The following ACAA1 variants were observed in gnomAD, a reference collection of about 807,000 sequenced individuals.
ACAA1 encodes the protein 3-ketoacyl-CoA thiolase, peroxisomal.
In ACAA1, 44 loss-of-function variants were observed where a neutral mutation model predicts 48.8. The observed-to-expected ratio is 0.90, with a 90% CI of 0.71 to 1.16. The LOEUF (loss-of-function observed/expected upper bound fraction) is 1.16, where lower values mean the gene tolerates loss of function less well. Ranked by LOEUF, ACAA1 falls within the 50% of genes most tolerant of loss-of-function variation. The probability of loss-of-function intolerance (pLI) is 0.00; values close to 1 mark genes in which losing one functional copy is unlikely to be tolerated. For synonymous variants in ACAA1, 233 were observed against 226.5 expected (o/e 1.03, Z -0.26); for missense variants, 512 against 562.3 (o/e 0.91, Z 0.90).
At chr3:38,135,640 T>C (rs887583560) in intron 2 of ACAA1, among the ~76,000 whole-genome samples, 2 of 152,138 alleles carry the variant, frequency 1.3e-5, no homozygotes, top group African/African-American at 2.4e-5. Context: ...CGCCAGCATG[T>C]CTCACCTGCA....
rs1410057627 is a variant in ACAA1, at chr3:38,136,617, C to T, written c.240G>A (p.Pro80=). The T allele has an allele frequency of 1.9e-6, 3 of 1,614,044 alleles. No homozygotes were observed. The highest frequency in any genetic ancestry group is 2.2e-5 in the East Asian group (1 of 44,864). Residue 80 remains proline (P), a synonymous_variant, in exon 2 of 12, where the codon CCG becomes CCA. Coordinates refer to ENST00000333167, the MANE Select transcript of ACAA1 (RefSeq NM_001607.4). The part of the protein sequence containing the change: ...TAVLKDVNLR[P]EQLGDICVGN... ...CGACACAGATGTCCCCCAGCTGTTC[C>T]GGCCTCAGATTCACGTCCTTGAGAA...
chr3:38,136,313 A>C lies in ACAA1; in HGVS notation c.265+279T>G, dbSNP rs1318612420. On this transcript the variant is annotated intron_variant, in intron 2 of 11. Coordinates refer to ENST00000333167, the MANE Select transcript of ACAA1 (RefSeq NM_001607.4). ...CCACACTGCCGCACTCCCCTTGCCG[A>C]GATAGTGAAAATAGTAATCAATAAA... 2.0e-5 allele frequency among the ~76,000 whole-genome samples: 3 copies of C among 152,124 alleles called. No homozygotes were observed. In the East Asian group the frequency reaches 5.8e-4, roughly 29 times the overall value.
rs2125767268 is a variant in ACAA1, at chr3:38,129,160, G to A, written c.545+130C>T. Reference sequence around the variant, plus strand: ...ATCAAGTCTCATCCCCAAAGTCCCTGCGGAGCAGACCATGCCCAAAGGAAG... The same window carrying A: ...ATCAAGTCTCATCCCCAAAGTCCCTACGGAGCAGACCATGCCCAAAGGAAG... On this transcript the variant is annotated intron_variant, in intron 6 of 11. Coordinates refer to ENST00000333167, the MANE Select transcript of ACAA1 (RefSeq NM_001607.4). The surrounding 1 kb of genome is among the most constrained non-coding windows in gnomAD (Gnocchi z 5.3). 2.6e-6 allele frequency: 2 copies of A among 757,252 alleles called. No individual in the cohort carries two copies. Among genetic ancestry groups the A allele is most frequent in the South Asian group, 1.7e-5 (1 of 57,208 alleles). 46.9% of individuals were successfully genotyped at this position (757,252 alleles called of 1,614,324 possible).
Position 38,126,044 on chromosome 3 carries a change from C to T in ACAA1, c.997+118G>A. The T allele has an allele frequency of 1.4e-6, 2 of 1,437,110 alleles. No homozygotes were observed. Among genetic ancestry groups the T allele is most frequent in the South Asian group, 1.3e-5 (1 of 79,132 alleles). The allele number at this position is 1,437,110 out of a possible 1,614,324, so 89.0% of individuals were successfully genotyped here. A position where few individuals can be genotyped will look rare whatever the true frequency, so the allele number is the denominator to read the frequency against. ...AGGGCTTGAAGTATGGGACACTAGC[C>T]TGCCCCACCTCCACTCTGCAGCACC... On this transcript the variant is annotated intron_variant, in intron 9 of 11. Coordinates refer to ENST00000333167, the MANE Select transcript of ACAA1 (RefSeq NM_001607.4). This position sits in a 1 kb window ranked among gnomAD's most constrained non-coding sequence, Gnocchi z 4.7.
chr3:38,122,838 A>AG lies in ACAA1; in HGVS notation c.*208dup. 1.2e-6 allele frequency: 1 copy of AG among 810,188 alleles called. No homozygotes were observed. The highest frequency in any genetic ancestry group is 2.7e-5 in the East Asian group (1 of 36,714). The allele number at this position is 810,188 out of a possible 1,614,324, so 50.2% of individuals were successfully genotyped here. On this transcript the variant is annotated 3_prime_UTR_variant, in exon 12 of 12. Coordinates refer to ENST00000333167, the MANE Select transcript of ACAA1 (RefSeq NM_001607.4). ...CTGCTTTTATCTTGCACAGCTAAAG[A>AG]GGGTCTGATGGGTGGCTCAACACCC...
chr3:38,136,520 G>GGAGGT (rs1700896411), intron 2 of ACAA1, 72 bp downstream of exon 2: 2 of 1,551,158 alleles, frequency 1.3e-6, no homozygotes, highest in South Asian at 2.2e-5. Flanking sequence ...TTCGGGGCGG[G>GGAGGT]GAGGTGAGGA....
At chr3:38,125,993 A>G (rs1700673559) in intron 9 of ACAA1, 112 bp from the exon 10 acceptor site, 1 of 1,529,040 alleles carries the variant, frequency 6.5e-7, no homozygotes. Flanking sequence ...CAGAAGGGTG[A>G]GCCAATCCCA....
chr3:38,125,942 C>T, intron 9 of ACAA1, 61 bp from the exon 10 acceptor site: 1 of 1,601,246 alleles, frequency 6.2e-7, no homozygotes, highest in South Asian at 1.1e-5. Context: ...TGGGGCCCAC[C>T]CCATCCATGG....
chr3:38,130,195 T>G (rs1700759045), intron 5 of ACAA1, among the ~76,000 whole-genome samples: 1 of 152,260 alleles, frequency 6.6e-6, no homozygotes, highest in Admixed American at 6.5e-5. Flanking sequence ...TGGGGGACCC[T>G]AACACCTCAA....
rs753612502 is a variant in ACAA1, at chr3:38,126,447, G to A, written c.817+63C>T. The A allele has an allele frequency of 9.9e-6, 16 of 1,611,684 alleles. No individual in the cohort carries two copies. The highest frequency in any genetic ancestry group is 2.7e-5 in the African/African-American group (2 of 74,848). ...GGGCCTGGTCTATTCCAGGTTCCCAGAGTACAGCACCCAGCATGGCCATGG... is the reference window on the plus strand; with the variant it reads ...GGGCCTGGTCTATTCCAGGTTCCCAAAGTACAGCACCCAGCATGGCCATGG... On this transcript the variant is annotated intron_variant, in intron 8 of 11. Coordinates refer to ENST00000333167, the MANE Select transcript of ACAA1 (RefSeq NM_001607.4). This position sits in a 1 kb window ranked among gnomAD's most constrained non-coding sequence, Gnocchi z 4.7.
intron 4 of ACAA1, 64 bp downstream of exon 4, chr3:38,131,862 C>T (rs925388903): frequency 4.0e-6 from 6 of 1,484,316 alleles, no homozygotes; most frequent in Non-Finnish European, 5.6e-6. Flanking sequence ...GCCCGGCAGA[C>T]AGCGACTTTG....
At chr3:38,135,304 G>C (rs544782255) in intron 2 of ACAA1, 1 of 152,126 alleles carries the variant, frequency 6.6e-6, no homozygotes, top group South Asian at 2.1e-4. Flanking sequence ...ACTGAGAAAA[G>C]AAATGACACA....
In ACAA1 at chr3:38,137,003, C is replaced by CAGGTG; in HGVS notation, c.28_32dup (p.Arg12ThrfsTer2). The CAGGTG allele has an allele frequency of 6.4e-7, 1 of 1,566,280 alleles. No individual in the cohort carries two copies. Among genetic ancestry groups the CAGGTG allele is most frequent in the East Asian group, 2.4e-5 (1 of 41,596 alleles). On this transcript the variant is annotated frameshift_variant, in exon 1 of 12. Coordinates refer to ENST00000333167, the MANE Select transcript of ACAA1 (RefSeq NM_001607.4). LOFTEE classifies it high-confidence loss of function. ...TCCAGCCGGAATCGGCCGGACCCCTCAGGTGGCCCAGCACTACCTGCAGCC... is the reference window on the plus strand; with the variant it reads ...TCCAGCCGGAATCGGCCGGACCCCTCAGGTGAGGTGGCCCAGCACTACCTGCAGCC...
At position 38,134,034 on chromosome 3, in the gene ACAA1, G is replaced by T. The variant is rs753520482; in HGVS notation, c.266-25C>A. On this transcript the variant is annotated intron_variant, in intron 2 of 11. Transcript: ENST00000333167. ...CCTGTGGACAACAAACTTTCATTCAGTGCCAGGCGGTGGTGTTCTGGGCAC... is the reference window on the plus strand; with the variant it reads ...CCTGTGGACAACAAACTTTCATTCATTGCCAGGCGGTGGTGTTCTGGGCAC... The T allele has an allele frequency of 1.9e-6, 3 of 1,607,376 alleles. No homozygotes were observed. In the Admixed American group the frequency reaches 5.1e-5, roughly 27 times the overall value.
rs79124970 is a variant in ACAA1, at chr3:38,133,245, C to T, written c.323+707G>A. 2.7e-3 allele frequency among the ~76,000 whole-genome samples: 409 copies of T among 152,144 alleles called. 2 individuals carry two copies. Among genetic ancestry groups the T allele is most frequent in the African/African-American group, 9.2e-3 (380 of 41,472 alleles). ...TCAGGGAAGACAGTAGGCCCACAGCCGGCTGAACGAAGAAAAGTCAAGGTG... is the reference window on the plus strand; with the variant it reads ...TCAGGGAAGACAGTAGGCCCACAGCTGGCTGAACGAAGAAAAGTCAAGGTG... On this transcript the variant is annotated intron_variant, in intron 3 of 11. Transcript: ENST00000333167.
rs1297569993 is a variant in ACAA1, at chr3:38,129,507, G to A, written c.447-119C>T. 1.3e-6 allele frequency: 1 copy of A among 764,512 alleles called. No homozygotes were observed. Among genetic ancestry groups the A allele is most frequent in the East Asian group, 2.7e-5 (1 of 37,378 alleles). The allele number at this position is 764,512 out of a possible 1,614,324, so 47.4% of individuals were successfully genotyped here. A position where few individuals can be genotyped will look rare whatever the true frequency, so the allele number is the denominator to read the frequency against. On this transcript the variant is annotated intron_variant, in intron 5 of 11. Transcript: ENST00000333167. This position sits in a 1 kb window ranked among gnomAD's most constrained non-coding sequence, Gnocchi z 5.3. ...TAGCCAGGGAGCCCTAGGAAGACCA[G>A]TGGGCCTCTGGGAGTCACAGGCAGG...
chr3:38,123,494 GAAAATCACAATCCTAA>G, intron 11 of ACAA1: 1 of 179,072 alleles, frequency 5.6e-6, no homozygotes, highest in Non-Finnish European at 1.2e-5. Context: ...CTAAAATCCT[GAAAATCACAATCCTAA>G]AAGATCAAAA....
intron 2 of ACAA1, 89 bp downstream of exon 2, chr3:38,136,503 G>T: frequency 7.0e-7 from 1 of 1,437,550 alleles, no homozygotes; most frequent in Non-Finnish European, 9.8e-7. Context: ...GGTTCCCCCA[G>T]TGAAAATTCG....
chr3:38,127,537 C>G (rs1038478476), intron 7 of ACAA1: 1 of 549,386 alleles, frequency 1.8e-6, no homozygotes, highest in Non-Finnish European at 3.3e-6. Flanking sequence ...CAGAAAATAA[C>G]AGAGGGGGAA....
Sources: allele counts gnomAD v4.1 joint callset (sites outside exome capture counted in the v4.1 genomes callset), GRCh38; gene constraint gnomAD v4.1.1; non-coding constraint Gnocchi (gnomAD v3.1); transcripts MANE v1.5; gene names NCBI Gene and HGNC (gene_info 2026-07-23, HGNC 2026-07-21).